Variants in KIAA1217 observed in about 807,000 individuals in gnomAD.
KIAA1217 encodes sickle tail protein homolog.
A neutral mutation model predicts 163.9 loss-of-function variants in KIAA1217; 88 were observed. The ratio of observed to expected loss-of-function variants is 0.54; its 90% CI spans 0.45 to 0.64. The LOEUF (loss-of-function observed/expected upper bound fraction) is 0.64, where lower values mean the gene tolerates loss of function less well. KIAA1217 is among the 30% of genes least tolerant of loss of function. The pLI, the probability that KIAA1217 is intolerant of heterozygous loss-of-function variation, is 0.00. For missense variants in KIAA1217, 2,372 were observed against 2,475.0 expected (o/e 0.96, Z 0.88); for synonymous variants, 903 against 923.1 (o/e 0.98, Z 0.39).
At chr10:24,261,194 T>G (rs1011071962) in intron 2 of KIAA1217, among the ~76,000 whole-genome samples, 5 of 152,098 alleles carry the variant, frequency 3.3e-5, no homozygotes, top group Non-Finnish European at 7.4e-5. Context: ...ACCTTCCACA[T>G]TGTCTTATAG....
At chr10:24,391,784 C>G (rs945670969) in intron 3 of KIAA1217, among the ~76,000 whole-genome samples, 4 of 152,158 alleles carry the variant, frequency 2.6e-5, no homozygotes, top group African/African-American at 7.2e-5. Flanking sequence ...GGAAAGGTAA[C>G]ATATTTCCAA....
chr10:23,897,266 C>A (rs1372077383), intron 1 of KIAA1217, among the ~76,000 whole-genome samples: 1 of 152,046 alleles, frequency 6.6e-6, no homozygotes, highest in African/African-American at 2.4e-5. Flanking sequence ...CCTTCATTCT[C>A]ATTTTATTTA....
chr10:23,860,531 G>T (rs975736702), intron 1 of KIAA1217, among the ~76,000 whole-genome samples: 2 of 151,970 alleles, frequency 1.3e-5, no homozygotes, highest in Non-Finnish European at 2.9e-5. Flanking sequence ...AAAATAAATA[G>T]GTTAAAAAAC....
chr10:24,221,263 G>A (rs2130880844), intron 2 of KIAA1217, among the ~76,000 whole-genome samples: 1 of 151,498 alleles, frequency 6.6e-6, no homozygotes, highest in African/African-American at 2.4e-5. Flanking sequence ...GAGATTTGAG[G>A]CCTCCTCTAC....
intron 14 of KIAA1217, among the ~76,000 whole-genome samples, chr10:24,530,028 C>A (rs192362732): frequency 1.3e-5 from 2 of 152,142 alleles, no homozygotes; most frequent in East Asian, 3.9e-4. Context: ...AACTCCTGAC[C>A]TCAGGTGATC....
Position 24,544,913 on chromosome 10 carries a change from G to A in KIAA1217, c.5212-68G>A. 1.9e-6 allele frequency: 3 copies of A among 1,549,682 alleles called. No homozygotes were observed. In the South Asian group the frequency reaches 3.5e-5, roughly 18 times the overall value. ...CTTGAGCTTCTCTGCACATCGTGGGGCAGCCTCACAGATGACCTACTCATG... is the reference window on the plus strand; with the variant it reads ...CTTGAGCTTCTCTGCACATCGTGGGACAGCCTCACAGATGACCTACTCATG... On this transcript the variant is annotated intron_variant, in intron 19 of 20. Transcript: ENST00000376454.
At chr10:23,945,843 A>G (rs746803197) in intron 1 of KIAA1217, among the ~76,000 whole-genome samples, 10 of 152,158 alleles carry the variant, frequency 6.6e-5, no homozygotes, top group Non-Finnish European at 1.5e-4. Context: ...CACAGGAAAG[A>G]AGTAGAGAGT....
At chr10:24,255,606 T>C (rs1465355772) in intron 2 of KIAA1217, 1 of 445,976 alleles carries the variant, frequency 2.2e-6, no homozygotes, top group African/African-American at 2.0e-5. Context: ...GGTACAGGAG[T>C]GGCCTGATTC....
intron 1 of KIAA1217, among the ~76,000 whole-genome samples, chr10:23,899,331 T>C (rs1841854776): frequency 6.6e-6 from 1 of 152,130 alleles, no homozygotes; most frequent in South Asian, 2.1e-4. Flanking sequence ...GTACTTGATA[T>C]TGTCAGAATT....
Position 23,840,764 on chromosome 10 carries a change from G to T in KIAA1217, c.-321+145530G>T, listed in dbSNP as rs78964025. Reference sequence around the variant, plus strand: ...CTCCCGAATTCCTAAGTCTTTACAGGTCACCTTCACTCTATAAAGAAACTT... The same window carrying T: ...CTCCCGAATTCCTAAGTCTTTACAGTTCACCTTCACTCTATAAAGAAACTT... On this transcript the variant is annotated intron_variant, in intron 1 of 18. Coordinates refer to the KIAA1217 transcript ENST00000376462. Among the ~76,000 whole-genome samples, 441 of 152,204 alleles carry T rather than the reference G, an allele frequency of 2.9e-3. 3 individuals carry two copies. Among genetic ancestry groups the T allele is most frequent in the African/African-American group, 0.01 (427 of 41,534 alleles).
chr10:23,704,448 G>A (rs546053317), intron 1 of KIAA1217, among the ~76,000 whole-genome samples: 16 of 151,592 alleles, frequency 1.1e-4, no homozygotes, highest in South Asian at 4.2e-4. Context: ...CAGTAGTTGC[G>A]GTTCCCTTCT....
At chr10:24,358,780 A>G (rs1379798956) in intron 2 of KIAA1217, among the ~76,000 whole-genome samples, 1 of 152,206 alleles carries the variant, frequency 6.6e-6, no homozygotes, top group Non-Finnish European at 1.5e-5. Context: ...TTGCATTGCA[A>G]TGGCAAGGTC....
chr10:24,470,206 A>G (rs2063353318), intron 5 of KIAA1217, among the ~76,000 whole-genome samples: 3 of 152,114 alleles, frequency 2.0e-5, no homozygotes, highest in Admixed American at 2.0e-4. Flanking sequence ...TTTGCTTTTT[A>G]TTGAGCCCTG....
chr10:23,923,541 AGAAGGAGATTTGACTACACACAG>A (rs1842921483), intron 1 of KIAA1217, among the ~76,000 whole-genome samples: 1 of 152,174 alleles, frequency 6.6e-6, no homozygotes, highest in African/African-American at 2.4e-5. Flanking sequence ...AAGAGGTGGC[AGAAGGAGATTTGACTACACACAG>A]GATAGGGTGA....
At chr10:24,224,819 T>G (rs915048352) in intron 2 of KIAA1217, among the ~76,000 whole-genome samples, 6 of 150,138 alleles carry the variant, frequency 4.0e-5, no homozygotes, top group African/African-American at 1.5e-4. Flanking sequence ...CTTAAAATCA[T>G]TTGACTTTTT....
intron 1 of KIAA1217, among the ~76,000 whole-genome samples, chr10:23,758,019 T>C (rs573302976): frequency 6.6e-6 from 1 of 152,326 alleles, no homozygotes; most frequent in African/African-American, 2.4e-5. Flanking sequence ...TTTTTACTCC[T>C]TTAATAGTGC....
intron 5 of KIAA1217, among the ~76,000 whole-genome samples, chr10:24,447,598 T>C (rs542426796): frequency 3.1e-4 from 47 of 152,350 alleles, no homozygotes; most frequent in African/African-American, 1.1e-3. Flanking sequence ...GACAATGCCC[T>C]GCCCTGAGTA....
At chr10:24,117,875 G>A (rs556072637) in intron 2 of KIAA1217, among the ~76,000 whole-genome samples, 3 of 152,132 alleles carry the variant, frequency 2.0e-5, no homozygotes, top group South Asian at 4.2e-4. Flanking sequence ...GGTGGTAGGA[G>A]AAAGAAAATG....
intron 5 of KIAA1217, among the ~76,000 whole-genome samples, chr10:24,450,202 A>G (rs151056190): frequency 2.6e-5 from 4 of 152,336 alleles, no homozygotes; most frequent in Non-Finnish European, 4.4e-5. Flanking sequence ...AGGGAAATTC[A>G]TATGTGTCCT....
Sources: gnomAD v4.1 joint callset for allele counts (sites outside exome capture counted in the v4.1 genomes callset) on GRCh38, gnomAD v4.1.1 for gene constraint, MANE v1.5 for transcripts, NCBI Gene and HGNC (gene_info 2026-07-23, HGNC 2026-07-21) for gene names.